The following AGBL1 variants were observed in gnomAD, a reference collection of about 807,000 sequenced individuals.
AGBL1 encodes AGBL carboxypeptidase 1, also known as cytosolic carboxypeptidase 4.
AGBL1 carries 130 observed loss-of-function variants against 118.9 expected under a neutral mutation model. The observed-to-expected ratio is 1.09, with a 90% CI of 0.95 to 1.26. The LOEUF (loss-of-function observed/expected upper bound fraction) is 1.26, where lower values mean the gene tolerates loss of function less well. Ranked by LOEUF, AGBL1 falls within the 50% of genes most tolerant of loss-of-function variation. AGBL1 has a pLI of 0.00. For missense variants in AGBL1, 1,584 were observed against 1,298.1 expected, an observed-to-expected ratio of 1.22 and a Z score of -3.38; for synonymous variants, 555 against 478.9, an observed-to-expected ratio of 1.16 and a Z score of -2.08.
At chr15:86,381,027 C>T (rs1040108570) in intron 17 of AGBL1, among the ~76,000 whole-genome samples, 1 of 152,026 alleles carries the variant, frequency 6.6e-6, no homozygotes, top group Non-Finnish European at 1.5e-5. Context: ...TACTCAGGGG[C>T]CTTTTAAAAT....
At chr15:86,702,682 A>T (rs1484490907) in intron 22 of AGBL1, among the ~76,000 whole-genome samples, 1 of 150,794 alleles carries the variant, frequency 6.6e-6, no homozygotes, top group African/African-American at 2.4e-5. Context: ...CCACCTTTAA[A>T]CTCTTTTCTC....
chr15:86,154,643 G>A, intron 4 of AGBL1, 82 bp downstream of exon 4: 1 of 1,471,048 alleles, frequency 6.8e-7, no homozygotes, highest in Non-Finnish European at 9.1e-7. Context: ...GGTCTGGTTG[G>A]AAGAAAAGCA....
chr15:87,022,163 C>T (rs1449840752), intron 24 of AGBL1, among the ~76,000 whole-genome samples: 1 of 152,084 alleles, frequency 6.6e-6, no homozygotes, highest in African/African-American at 2.4e-5. Flanking sequence ...AGAATCTGAA[C>T]AACAGCCTTC....
intron 18 of AGBL1, among the ~76,000 whole-genome samples, chr15:86,444,310 C>T (rs2082097064): frequency 6.6e-6 from 1 of 152,130 alleles, no homozygotes; most frequent in Non-Finnish European, 1.5e-5. Flanking sequence ...CAAAGAATAT[C>T]CCGCCCCAAT....
intron 6 of AGBL1, among the ~76,000 whole-genome samples, chr15:86,229,686 T>A (rs192969383): frequency 3.5e-4 from 54 of 152,328 alleles, no homozygotes; most frequent in African/African-American, 1.3e-3. Context: ...CTTCCTCAAT[T>A]ACCTTCCATG....
chr15:86,331,178 C>T (rs377421960), intron 17 of AGBL1, among the ~76,000 whole-genome samples: 24 of 141,540 alleles, frequency 1.7e-4, no homozygotes, highest in East Asian at 2.1e-4. Context: ...GAGCCAAGAT[C>T]GTGCCATTGT....
At chr15:86,243,313 A>G (rs769492530) in intron 6 of AGBL1, among the ~76,000 whole-genome samples, 4 of 152,168 alleles carry the variant, frequency 2.6e-5, no homozygotes, top group Admixed American at 1.3e-4. Flanking sequence ...ATCTGCATCA[A>G]TGGGATCTGC....
intron 22 of AGBL1, among the ~76,000 whole-genome samples, chr15:86,745,374 G>A (rs2077740637): frequency 1.3e-5 from 2 of 151,972 alleles, no homozygotes; most frequent in African/African-American, 4.8e-5. Flanking sequence ...AATATTAAGT[G>A]AAACATTATA....
intron 1 of AGBL1, among the ~76,000 whole-genome samples, chr15:86,080,941 G>A (rs1027096474): frequency 6.7e-6 from 1 of 149,280 alleles, no homozygotes; most frequent in Non-Finnish European, 1.5e-5. Flanking sequence ...GTGGGGGCGG[G>A]GGGGGGTCCA....
intron 6 of AGBL1, among the ~76,000 whole-genome samples, chr15:86,239,166 T>A (rs2078602574): frequency 6.6e-6 from 1 of 152,210 alleles, no homozygotes; most frequent in African/African-American, 2.4e-5. Context: ...AAAACAGTGG[T>A]CTGAAGTGTA....
At chr15:86,793,872 G>A (rs2078532993) in intron 22 of AGBL1, among the ~76,000 whole-genome samples, 2 of 152,162 alleles carry the variant, frequency 1.3e-5, no homozygotes, top group South Asian at 4.1e-4. Flanking sequence ...CTGGTCATTA[G>A]AGAAATGCAA....
At chr15:86,158,815 A>C (rs2077227702) in intron 4 of AGBL1, 118 bp from the exon 5 acceptor site, 1 of 804,110 alleles carries the variant, frequency 1.2e-6, no homozygotes. Flanking sequence ...TGGAAAAGAA[A>C]GGGAGCTATC....
chr15:86,877,067 C>T (rs770456888), intron 22 of AGBL1, among the ~76,000 whole-genome samples: 5 of 152,150 alleles, frequency 3.3e-5, no homozygotes, highest in Non-Finnish European at 5.9e-5. Flanking sequence ...ACTTAATGAG[C>T]TCTCTTCTCA....
intron 18 of AGBL1, among the ~76,000 whole-genome samples, chr15:86,406,544 AG>A (rs1294442195): frequency 6.6e-6 from 1 of 152,202 alleles, no homozygotes; most frequent in East Asian, 1.9e-4. Flanking sequence ...ATAATTCCAA[AG>A]GGCATCATTT....
chr15:86,928,282 C>T (rs1331089867), intron 23 of AGBL1, among the ~76,000 whole-genome samples: 2 of 152,064 alleles, frequency 1.3e-5, no homozygotes, highest in Admixed American at 1.3e-4. Flanking sequence ...CAGAATGGAC[C>T]AACCAGGGCA....
intron 22 of AGBL1, among the ~76,000 whole-genome samples, chr15:86,717,021 TAATC>T (rs763618604): frequency 3.3e-5 from 5 of 152,218 alleles, no homozygotes; most frequent in Non-Finnish European, 7.4e-5. Context: ...TTTTGTGAAT[TAATC>T]CACATGAAGT....
At chr15:86,931,927 G>A (rs1169373884) in intron 23 of AGBL1, among the ~76,000 whole-genome samples, 2 of 152,144 alleles carry the variant, frequency 1.3e-5, no homozygotes, top group African/African-American at 4.8e-5. Flanking sequence ...AAAAAATCAA[G>A]TGTGATGCTA....
chr15:86,406,399 G>C (rs2081531662), intron 18 of AGBL1, among the ~76,000 whole-genome samples: 1 of 152,076 alleles, frequency 6.6e-6, no homozygotes, highest in Non-Finnish European at 1.5e-5. Flanking sequence ...TGACTTCATT[G>C]TTTTCAAAAA....
chr15:86,682,149 T>C (rs1265016818), intron 22 of AGBL1, among the ~76,000 whole-genome samples: 1 of 152,182 alleles, frequency 6.6e-6, no homozygotes, highest in African/African-American at 2.4e-5. Flanking sequence ...CTTTCTATAG[T>C]TGCAGGCAAA....
Sources: gnomAD v4.1 joint callset for allele counts (sites outside exome capture counted in the v4.1 genomes callset) on GRCh38, gnomAD v4.1.1 for gene constraint, MANE v1.5 for transcripts, NCBI Gene and HGNC (gene_info 2026-07-23, HGNC 2026-07-21) for gene names.